The following SLC25A31 variants were observed in gnomAD, a reference collection of about 807,000 sequenced individuals.
SLC25A31 encodes the protein solute carrier family 25 member 31.
In SLC25A31, 40 loss-of-function variants were observed where a neutral mutation model predicts 36.2. That is an observed-to-expected ratio of 1.10 (90% confidence interval 0.86 to 1.44). The LOEUF is 1.44. SLC25A31 is among the 40% of genes most tolerant of loss of function. The pLI is 0.00. For synonymous variants in SLC25A31, 143 were observed against 149.7 expected, an observed-to-expected ratio of 0.96 and a Z score of 0.32; for missense variants, 350 against 397.1, an observed-to-expected ratio of 0.88 and a Z score of 1.01.
Position 127,743,018 on chromosome 4 carries a change from A to G in SLC25A31, c.233-1654A>G, listed in dbSNP as rs188147434. ...ATTATAATTTTAGAACTTTTCTGTG[A>G]TTTGTTTCTCCAGAAATCCAAGCCT... On this transcript the variant is annotated intron_variant, in intron 1 of 5. Coordinates refer to ENST00000281154, the MANE Select transcript of SLC25A31 (RefSeq NM_031291.4). 1.8e-3 allele frequency among the ~76,000 whole-genome samples: 280 copies of G among 151,544 alleles called. 2 individuals carry two copies. The highest frequency in any genetic ancestry group is 6.4e-3 in the African/African-American group (263 of 41,312).
chr4:127,751,340 T>C (rs971520794), intron 2 of SLC25A31, among the ~76,000 whole-genome samples: 1 of 152,162 alleles, frequency 6.6e-6, no homozygotes, highest in Non-Finnish European at 1.5e-5. Context: ...CCCTATTTAA[T>C]AAATGGTGCT....
At chr4:127,768,935 G>A (rs185390518) in intron 5 of SLC25A31, 58 bp downstream of exon 5, 3 of 1,446,568 alleles carry the variant, frequency 2.1e-6, no homozygotes, top group East Asian at 2.5e-5. Context: ...TGATATTTAG[G>A]TATAATCAAA....
At chr4:127,769,339 T>A (rs1160161252) in intron 5 of SLC25A31, among the ~76,000 whole-genome samples, 2 of 152,172 alleles carry the variant, frequency 1.3e-5, no homozygotes, top group African/African-American at 4.8e-5. Context: ...TTTGATACAT[T>A]TGATCTCTAT....
In SLC25A31 at chr4:127,730,707, G is replaced by T; in HGVS notation, c.162G>T (p.Ser54=). ...TGCTGCTGCAGGTGCAGGCGTCGTCGAAGCAGATCAGCCCCGAGGCGCGGT... is the reference window on the plus strand; with the variant it reads ...TGCTGCTGCAGGTGCAGGCGTCGTCTAAGCAGATCAGCCCCGAGGCGCGGT... ...VKLLLQVQAS[S]KQISPEARYK... The change falls in exon 1 of 6, where the codon TCG becomes TCT. Residue 54 remains serine (S), a synonymous_variant. Transcript: ENST00000281154. 1 of 1,613,878 alleles carries T rather than the reference G, an allele frequency of 6.2e-7. No individual in the cohort carries two copies. Among genetic ancestry groups the T allele is most frequent in the Non-Finnish European group, 8.5e-7 (1 of 1,179,942 alleles).
rs563245367 is a variant in SLC25A31, at chr4:127,735,010, A to G, written c.232+4233A>G. 6.6e-5 allele frequency among the ~76,000 whole-genome samples: 10 copies of G among 152,322 alleles called. No homozygotes were observed. In the South Asian group the frequency reaches 1.0e-3, roughly 16 times the overall value. On this transcript the variant is annotated intron_variant, in intron 1 of 5. Transcript: ENST00000281154. ...CCAATTAACTGGATTTATAGATTCT[A>G]TTATCAGGTTTTAACTAAATCCTCA...
intron 2 of SLC25A31, among the ~76,000 whole-genome samples, chr4:127,760,586 T>C (rs959417281): frequency 1.3e-5 from 2 of 152,250 alleles, no homozygotes; most frequent in Non-Finnish European, 1.5e-5. Context: ...GACAAGTTGT[T>C]ATAAACAACT....
At chr4:127,732,231 G>T (rs1194463744) in intron 1 of SLC25A31, among the ~76,000 whole-genome samples, 1 of 152,138 alleles carries the variant, frequency 6.6e-6, no homozygotes, top group Admixed American at 6.6e-5. Context: ...TCCTGTTCTA[G>T]GGCCAGATAC....
intron 1 of SLC25A31, among the ~76,000 whole-genome samples, chr4:127,731,349 C>T (rs767642937): frequency 9.9e-5 from 15 of 151,830 alleles, no homozygotes; most frequent in Non-Finnish European, 1.9e-4. Context: ...GTACTTCGTT[C>T]TGCCCAAAAT....
chr4:127,737,376 C>T (rs753531483), intron 1 of SLC25A31, among the ~76,000 whole-genome samples: 5 of 152,044 alleles, frequency 3.3e-5, no homozygotes, highest in East Asian at 3.8e-4. Flanking sequence ...TGGTTTTATT[C>T]GTGCAAATAC....
rs567253315 is a variant in SLC25A31, at chr4:127,732,857, A to AT, written c.232+2089dup. Among the ~76,000 whole-genome samples the AT allele has an allele frequency of 7.2e-5, 11 of 151,746 alleles. No homozygotes were observed. The South Asian group carries it at 2.1e-3, about 29-fold the overall frequency. ...GGCAATTTCGGAAACTTGTGGGGCAATTTTTTTTTATTTAGCACAAAGATA... is the reference window on the plus strand; with the variant it reads ...GGCAATTTCGGAAACTTGTGGGGCAATTTTTTTTTTATTTAGCACAAAGATA... On this transcript the variant is annotated intron_variant, in intron 1 of 5. Coordinates refer to ENST00000281154, the MANE Select transcript of SLC25A31 (RefSeq NM_031291.4).
chr4:127,754,537 T>A (rs1414395373), intron 2 of SLC25A31, among the ~76,000 whole-genome samples: 5 of 146,078 alleles, frequency 3.4e-5, no homozygotes, highest in Non-Finnish European at 6.0e-5. Flanking sequence ...ACAATAGCTT[T>A]AAAAAAAAAA....
In SLC25A31 at chr4:127,768,853, A is replaced by C. The variant is rs1333657533; in HGVS notation, c.735A>C (p.Thr245=). 6.2e-7 allele frequency: 1 copy of C among 1,600,646 alleles called. No homozygotes were observed. Among genetic ancestry groups the C allele is most frequent in the Non-Finnish European group, 8.5e-7 (1 of 1,175,064 alleles). The change falls in exon 5 of 6, where the codon ACA becomes ACC. Residue 245 remains threonine, a synonymous_variant. Transcript: ENST00000281154. ...GAATACTTTCTTATCCCTTTGACACAGTTAGAAGACGTATGATGATGCAGG... is the reference window on the plus strand; with the variant it reads ...GAATACTTTCTTATCCCTTTGACACCGTTAGAAGACGTATGATGATGCAGG... The part of the protein sequence containing the change: ...CSGILSYPFD[T]VRRRMMMQSG...
At chr4:127,763,182 T>C (rs1371930473) in intron 2 of SLC25A31, among the ~76,000 whole-genome samples, 1 of 152,090 alleles carries the variant, frequency 6.6e-6, no homozygotes, top group Non-Finnish European at 1.5e-5. Flanking sequence ...GATGAAGTAT[T>C]TATGGGAAGA....
intron 1 of SLC25A31, among the ~76,000 whole-genome samples, chr4:127,736,866 A>G (rs1731642655): frequency 6.6e-6 from 1 of 152,260 alleles, no homozygotes; most frequent in Admixed American, 6.5e-5. Context: ...TGTAAATGAA[A>G]TAATTTGGGA....
intron 5 of SLC25A31, among the ~76,000 whole-genome samples, chr4:127,772,633 A>G (rs1157300823): frequency 1.3e-5 from 2 of 152,110 alleles, no homozygotes; most frequent in Admixed American, 1.3e-4. Flanking sequence ...AGCCTTTTCT[A>G]ATATTTCAAG....
intron 1 of SLC25A31, among the ~76,000 whole-genome samples, chr4:127,733,943 AC>A (rs752103835): frequency 1.1e-4 from 17 of 152,114 alleles, no homozygotes; most frequent in Non-Finnish European, 2.2e-4. Flanking sequence ...TGTTTCTGAC[AC>A]TTTTTATAAG....
At chr4:127,762,450 T>C (rs983034216) in intron 2 of SLC25A31, among the ~76,000 whole-genome samples, 3 of 152,178 alleles carry the variant, frequency 2.0e-5, no homozygotes, top group East Asian at 1.9e-4. Flanking sequence ...GAGTGACTTA[T>C]AACAGGCCTG....
At chr4:127,748,325 C>T (rs551396638) in intron 2 of SLC25A31, among the ~76,000 whole-genome samples, 1 of 152,264 alleles carries the variant, frequency 6.6e-6, no homozygotes, top group Admixed American at 6.5e-5. Context: ...ACCCAGCAAC[C>T]CACCAGGAGG....
chr4:127,754,538 A>T (rs201411345), intron 2 of SLC25A31, among the ~76,000 whole-genome samples: 1 of 12,930 alleles, frequency 7.7e-5, no homozygotes, highest in South Asian at 3.6e-3. Context: ...CAATAGCTTT[A>T]AAAAAAAAAA....
Sources: gnomAD v4.1 joint callset for allele counts (sites outside exome capture counted in the v4.1 genomes callset) on GRCh38, gnomAD v4.1.1 for gene constraint, MANE v1.5 for transcripts, NCBI Gene and HGNC (gene_info 2026-07-23, HGNC 2026-07-21) for gene names.